Variants in CYBRD1 observed in about 807,000 individuals in gnomAD.
The protein encoded by CYBRD1 is cytochrome b reductase 1, also known as plasma membrane ascorbate-dependent reductase CYBRD1.
In CYBRD1, 14 loss-of-function variants were observed where a neutral mutation model predicts 21.9. That is an observed-to-expected ratio of 0.64 (90% CI 0.42 to 1.00). The LOEUF is 1.00. CYBRD1 is among the 50% of genes least tolerant of loss of function. CYBRD1 has a pLI of 0.00. For synonymous variants in CYBRD1, 146 were observed against 136.5 expected (o/e 1.07, Z -0.48); for missense variants, 328 against 352.5 (o/e 0.93, Z 0.56).
chr2:171,537,100 T>C (rs139648787), intron 1 of CYBRD1, among the ~76,000 whole-genome samples: 98 of 152,334 alleles, frequency 6.4e-4, no homozygotes, highest in African/African-American at 2.1e-3. Context: ...AATGAAACTG[T>C]GAAGCACTTA....
At chr2:171,522,418 C>T, upstream of CYBRD1, 1 of 1,509,398 alleles carries the variant, frequency 6.6e-7, no homozygotes, top group Non-Finnish European at 8.8e-7. This position sits in a 1 kb window ranked among gnomAD's most constrained non-coding sequence, Gnocchi z 4.3. Context: ...CCCAGAAAGT[C>T]CCTCCCCGCA....
rs1378621292 is a variant in CYBRD1 at position 171,556,890 on chromosome 2, T to A, written c.*2063T>A. 1 of 152,216 alleles carries A rather than the reference T, an allele frequency of 6.6e-6. No homozygotes were observed. Among genetic ancestry groups the A allele is most frequent in the Non-Finnish European group, 1.5e-5 (1 of 67,996 alleles). 9.4% of individuals were successfully genotyped at this position (152,216 alleles called of 1,614,324 possible). A position where few individuals can be genotyped will look rare whatever the true frequency, so the allele number is the denominator to read the frequency against. On this transcript the variant is annotated 3_prime_UTR_variant, in exon 4 of 4. Coordinates refer to ENST00000321348, the MANE Select transcript of CYBRD1 (RefSeq NM_024843.4). ...CATAGAGGAACACAAAATTCCAGGG[T>A]TTTTGGAGGAAGGGATTAGATAGTG... is the stretch of plus-strand genomic sequence containing the variant.
At chr2:171,524,875 C>T (rs746683171) in intron 1 of CYBRD1, among the ~76,000 whole-genome samples, 10 of 152,180 alleles carry the variant, frequency 6.6e-5, no homozygotes, top group Non-Finnish European at 1.3e-4. Context: ...TCATACTTAA[C>T]TCTTGGACAA....
chr2:171,547,505 G>A (rs569345079), intron 2 of CYBRD1, among the ~76,000 whole-genome samples: 1 of 151,752 alleles, frequency 6.6e-6, no homozygotes, highest in Non-Finnish European at 1.5e-5. Flanking sequence ...AGGCTAACAG[G>A]ATGGCACCAG....
intron 1 of CYBRD1, among the ~76,000 whole-genome samples, chr2:171,535,411 A>T (rs1386199058): frequency 6.6e-6 from 1 of 152,224 alleles, no homozygotes; most frequent in Non-Finnish European, 1.5e-5. Flanking sequence ...CAATTTGCGT[A>T]AATGTAAAAG....
At chr2:171,532,183 G>A (rs531664797) in intron 1 of CYBRD1, among the ~76,000 whole-genome samples, 2 of 152,330 alleles carry the variant, frequency 1.3e-5, no homozygotes, top group African/African-American at 4.8e-5. Context: ...AATCTGGTAA[G>A]CTCTTGCGTG....
chr2:171,523,475 G>A (rs1559311570), intron 1 of CYBRD1, among the ~76,000 whole-genome samples: 2 of 152,192 alleles, frequency 1.3e-5, no homozygotes, highest in African/African-American at 4.8e-5. Flanking sequence ...TGTTTATGTG[G>A]CAGAAGAGTG....
Position 171,556,690 on chromosome 2 carries a change from T to C in CYBRD1, c.*1863T>C, listed in dbSNP as rs1240845914. On this transcript the variant is annotated 3_prime_UTR_variant, in exon 4 of 4. Coordinates refer to ENST00000321348, the MANE Select transcript of CYBRD1 (RefSeq NM_024843.4). ...CACTGTTCTCTTCTTCTCTACTAAA[T>C]TCTATTTCCAAAATTGGTAATAGAG... 6.6e-6 allele frequency: 1 copy of C among 152,324 alleles called. No homozygotes were observed. Among genetic ancestry groups the C allele is most frequent in the East Asian group, 1.9e-4 (1 of 5,186 alleles). The allele number at this position is 152,324 out of a possible 1,614,324, so 9.4% of individuals were successfully genotyped here. A position where few individuals can be genotyped will look rare whatever the true frequency, so the allele number is the denominator to read the frequency against.
intron 2 of CYBRD1, among the ~76,000 whole-genome samples, chr2:171,546,472 C>A (rs1697716825): frequency 6.6e-6 from 1 of 152,144 alleles, no homozygotes; most frequent in South Asian, 2.1e-4. Context: ...TCATAGGTAC[C>A]TTCATGGTTA....
intron 2 of CYBRD1, among the ~76,000 whole-genome samples, 162 bp downstream of exon 2, chr2:171,541,955 C>G (rs1697641516): frequency 6.7e-6 from 1 of 149,614 alleles, no homozygotes; most frequent in Non-Finnish European, 1.5e-5. Context: ...ACCACTGTCT[C>G]CAGGGTTCAA....
At position 171,541,798 on chromosome 2, in the gene CYBRD1, G is replaced by C. The variant is rs1336907449; in HGVS notation, c.402+5G>C. The C allele has an allele frequency of 2.5e-6, 4 of 1,590,722 alleles. No homozygotes were observed. In the African/African-American group the frequency reaches 5.4e-5, roughly 22 times the overall value. On this transcript the variant is annotated splice_donor_5th_base_variant and intron_variant, in intron 2 of 3. Coordinates refer to ENST00000321348, the MANE Select transcript of CYBRD1 (RefSeq NM_024843.4). ...GTCATATGCTATTTGTTACAGGTCAGTATTTCAGTGTATTTACAAGCAAGT... is the reference window on the plus strand; with the variant it reads ...GTCATATGCTATTTGTTACAGGTCACTATTTCAGTGTATTTACAAGCAAGT...
intron 2 of CYBRD1, among the ~76,000 whole-genome samples, chr2:171,552,556 G>GA (rs1243674156): frequency 2.0e-5 from 3 of 151,730 alleles, no homozygotes; most frequent in African/African-American, 7.3e-5. Context: ...ATAGGCATCT[G>GA]AAAAAAAATG....
rs980090001 is a variant in CYBRD1, at chr2:171,558,016, A to C, written c.*3189A>C. Reference sequence around the variant, plus strand: ...AAAAAGATTTCTATCTTTTTATCTTAGCGCATTTATGGAAAAAATATTAAC... The same window carrying C: ...AAAAAGATTTCTATCTTTTTATCTTCGCGCATTTATGGAAAAAATATTAAC... On this transcript the variant is annotated 3_prime_UTR_variant, in exon 4 of 4. Transcript: ENST00000321348. The C allele has an allele frequency of 2.0e-5, 3 of 152,062 alleles. No individual in the cohort carries two copies. Among genetic ancestry groups the C allele is most frequent in the Non-Finnish European group, 4.4e-5 (3 of 67,992 alleles). 9.4% of individuals were successfully genotyped at this position (152,062 alleles called of 1,614,324 possible).
At position 171,554,842 on chromosome 2, in the gene CYBRD1, A is replaced by G. The variant is rs1316422934; in HGVS notation, c.*15A>G. ...CTACCATGTAAAATGTTGTAGAGAT[A>G]GAGCCATATAACGTCACGTTTCAAA... On this transcript the variant is annotated 3_prime_UTR_variant, in exon 4 of 4. Coordinates refer to ENST00000321348, the MANE Select transcript of CYBRD1 (RefSeq NM_024843.4). The G allele has an allele frequency of 6.2e-7, 1 of 1,612,088 alleles. No individual in the cohort carries two copies. The highest frequency in any genetic ancestry group is 2.2e-5 in the East Asian group (1 of 44,816).
intron 1 of CYBRD1, among the ~76,000 whole-genome samples, chr2:171,527,171 C>T (rs912675985): frequency 3.9e-5 from 6 of 151,950 alleles, no homozygotes; most frequent in African/African-American, 9.7e-5. Context: ...TCAATATTAG[C>T]GATACAAGGG....
At chr2:171,538,364 A>G (rs1475132882) in intron 1 of CYBRD1, among the ~76,000 whole-genome samples, 1 of 152,220 alleles carries the variant, frequency 6.6e-6, no homozygotes, top group African/African-American at 2.4e-5. Context: ...GAGAACCAGC[A>G]AGACACATTA....
intron 1 of CYBRD1, among the ~76,000 whole-genome samples, chr2:171,537,953 G>A (rs1004824605): frequency 7.9e-5 from 12 of 152,008 alleles, no homozygotes; most frequent in African/African-American, 2.2e-4. Flanking sequence ...ACTATGTACC[G>A]CATAAATATG....
Position 171,554,515 on chromosome 2 carries a change from AT to A in CYBRD1, c.558-6del. ...CTGTTTGTAATTGGATACATCTCTT[AT>A]TTCATAGGAGAGATCCTGCATACAG... On this transcript the variant is annotated splice_polypyrimidine_tract_variant and splice_region_variant and intron_variant, in intron 3 of 3. Transcript: ENST00000321348. The A allele has an allele frequency of 6.2e-7, 1 of 1,613,306 alleles. No homozygotes were observed. The highest frequency in any genetic ancestry group is 8.5e-7 in the Non-Finnish European group (1 of 1,179,462).
intron 3 of CYBRD1, among the ~76,000 whole-genome samples, chr2:171,553,995 C>G (rs938011971): frequency 2.4e-4 from 36 of 152,258 alleles, no homozygotes; most frequent in African/African-American, 8.7e-4. Flanking sequence ...CTCAACGGCC[C>G]GATAGGGAAT....
Sources: allele counts gnomAD v4.1 joint callset (sites outside exome capture counted in the v4.1 genomes callset), GRCh38; gene constraint gnomAD v4.1.1; non-coding constraint Gnocchi (gnomAD v3.1); transcripts MANE v1.5; gene names NCBI Gene and HGNC (gene_info 2026-07-23, HGNC 2026-07-21).